The following REV3L variants were observed in gnomAD, a reference collection of about 807,000 sequenced individuals.
REV3L encodes DNA polymerase zeta catalytic subunit.
Under a neutral mutation model 299.4 loss-of-function variants are expected in REV3L, and 69 were observed. The ratio of observed to expected loss-of-function variants is 0.23; its 90% CI spans 0.19 to 0.28. The LOEUF (loss-of-function observed/expected upper bound fraction) is 0.28, where lower values mean the gene tolerates loss of function less well. Ranked by LOEUF, REV3L falls within the 10% of genes least tolerant of loss-of-function variation. The probability of loss-of-function intolerance (pLI) is 1.00; values close to 1 mark genes in which losing one functional copy is unlikely to be tolerated. For missense variants in REV3L, 3,128 were observed against 3,693.8 expected (o/e 0.85, Z 3.97); for synonymous variants, 1,238 against 1,271.4 (o/e 0.97, Z 0.56).
intron 17 of REV3L, among the ~76,000 whole-genome samples, chr6:111,358,357 CTG>C (rs1778308602): frequency 6.6e-6 from 1 of 151,732 alleles, no homozygotes; most frequent in South Asian, 2.1e-4. Context: ...AAGGTGGACT[CTG>C]TATTAGTAGT....
chr6:111,349,049 C>A, intron 20 of REV3L, 169 bp downstream of exon 20: 1 of 471,036 alleles, frequency 2.1e-6, no homozygotes, highest in Non-Finnish European at 3.7e-6. Context: ...AGTCTATTAC[C>A]TCTGTAGTTT....
At position 111,303,696 on chromosome 6, in the gene REV3L, TA is replaced by T. The variant is rs1562475942; in HGVS notation, c.9253-3541del. ...CTTTTTTTTTTTTTTTTTAACAGACTATGACTTTTTTTTTTTTTTTTTTTTT... is the reference window on the plus strand; with the variant it reads ...CTTTTTTTTTTTTTTTTTAACAGACTTGACTTTTTTTTTTTTTTTTTTTTT... On this transcript the variant is annotated intron_variant, in intron 31 of 31. Transcript: ENST00000368802. Among the ~76,000 whole-genome samples, 161 of 42,414 alleles carry T rather than the reference TA, an allele frequency of 3.8e-3. 38 individuals carry two copies. Among genetic ancestry groups the T allele is most frequent in the East Asian group, 7.8e-3 (8 of 1,028 alleles). 27.8% of individuals were successfully genotyped at this position (42,414 alleles called of 152,430 possible). A position where few individuals can be genotyped will look rare whatever the true frequency, so the allele number is the denominator to read the frequency against.
chr6:111,439,287 A>G (rs1041410385), intron 1 of REV3L, among the ~76,000 whole-genome samples: 1 of 152,224 alleles, frequency 6.6e-6, no homozygotes, highest in African/African-American at 2.4e-5. Context: ...AATAGCAGAG[A>G]CAACTCACAA....
intron 1 of REV3L, among the ~76,000 whole-genome samples, chr6:111,432,218 C>A (rs571298562): frequency 6.6e-6 from 1 of 152,284 alleles, no homozygotes; most frequent in African/African-American, 2.4e-5. Flanking sequence ...AACAGTAACA[C>A]TGAATGCAAA....
intron 1 of REV3L, among the ~76,000 whole-genome samples, chr6:111,429,132 T>C (rs1411223342): frequency 6.6e-6 from 1 of 152,244 alleles, no homozygotes; most frequent in Non-Finnish European, 1.5e-5. Context: ...TGAGCAATGC[T>C]ATCCTTCAAA....
intron 20 of REV3L, among the ~76,000 whole-genome samples, chr6:111,347,605 C>A (rs1167407859): frequency 6.6e-6 from 1 of 152,138 alleles, no homozygotes; most frequent in African/African-American, 2.4e-5. Context: ...AATTAGCTTT[C>A]TTTTAAATAT....
At chr6:111,344,411 T>A (rs1277093373) in intron 20 of REV3L, among the ~76,000 whole-genome samples, 1 of 152,230 alleles carries the variant, frequency 6.6e-6, no homozygotes, top group Non-Finnish European at 1.5e-5. Context: ...ACTTTTTGGT[T>A]CTTGATGACA....
Position 111,445,617 on chromosome 6 carries a change from A to C in REV3L, c.140-29145T>G, listed in dbSNP as rs181544481. 1.7e-3 allele frequency among the ~76,000 whole-genome samples: 262 copies of C among 152,346 alleles called. 1 individual carries two copies. The highest frequency in any genetic ancestry group is 6.8e-3 in the Middle Eastern group (2 of 294). On this transcript the variant is annotated intron_variant, in intron 1 of 31. Coordinates refer to ENST00000368802, the MANE Select transcript of REV3L (RefSeq NM_001372078.1). ...GTAATGTGGATTTCAAAATGAATTAAGTACAACCTCTACCTTTAAAGAGCT... is the reference window on the plus strand; with the variant it reads ...GTAATGTGGATTTCAAAATGAATTACGTACAACCTCTACCTTTAAAGAGCT...
At chr6:111,342,536 C>A (rs1228777797) in intron 21 of REV3L, among the ~76,000 whole-genome samples, 1 of 151,876 alleles carries the variant, frequency 6.6e-6, no homozygotes, top group Non-Finnish European at 1.5e-5. Flanking sequence ...GTTGTCGTGG[C>A]GGGCGCCTGT....
intron 21 of REV3L, among the ~76,000 whole-genome samples, chr6:111,342,098 G>C (rs1488880289): frequency 6.6e-6 from 1 of 152,192 alleles, no homozygotes; most frequent in African/African-American, 2.4e-5. Flanking sequence ...CATCAAGTTG[G>C]AGGAGCTTAG....
chr6:111,442,669 T>C (rs1788406615), intron 1 of REV3L, among the ~76,000 whole-genome samples: 1 of 150,820 alleles, frequency 6.6e-6, no homozygotes, highest in African/African-American at 2.4e-5. Flanking sequence ...TTTTTCCTGC[T>C]TATTCATTGC....
At chr6:111,300,246 C>CGTGG in intron 31 of REV3L, 90 bp from the exon 32 acceptor site, 2 of 1,026,770 alleles carry the variant, frequency 1.9e-6, no homozygotes, top group Admixed American at 2.9e-5. Context: ...ACTTTCTAGA[C>CGTGG]TACCACAGAT....
chr6:111,455,500 GTTTTA>G (rs1790063585), intron 1 of REV3L, among the ~76,000 whole-genome samples: 1 of 152,064 alleles, frequency 6.6e-6, no homozygotes, highest in Admixed American at 6.6e-5. Context: ...GTTGTCTAGA[GTTTTA>G]TTTTAGATTA....
chr6:111,300,549 T>TA (rs1260867080), intron 31 of REV3L, among the ~76,000 whole-genome samples: 2 of 152,232 alleles, frequency 1.3e-5, no homozygotes, highest in Non-Finnish European at 2.9e-5. Context: ...CTCTTTTTCG[T>TA]ATTCCAGAAG....
intron 1 of REV3L, among the ~76,000 whole-genome samples, chr6:111,448,128 G>A (rs1018510183): frequency 1.3e-5 from 2 of 152,126 alleles, no homozygotes; most frequent in African/African-American, 4.8e-5. Flanking sequence ...ATAAGGACTA[G>A]AGCTGAATGG....
chr6:111,412,263 A>G, intron 2 of REV3L: 1 of 985,266 alleles, frequency 1.0e-6, no homozygotes, highest in Non-Finnish European at 1.2e-6. Context: ...CAACATAATC[A>G]TGTTATGGCT....
chr6:111,390,772 C>G lies in REV3L; in HGVS notation c.663-592G>C, dbSNP rs529152094. Among the ~76,000 whole-genome samples the G allele has an allele frequency of 5.9e-5, 9 of 152,170 alleles. No individual in the cohort carries two copies. The South Asian group carries it at 1.9e-3, about 32-fold the overall frequency. On this transcript the variant is annotated intron_variant, in intron 5 of 31. Coordinates refer to ENST00000368802, the MANE Select transcript of REV3L (RefSeq NM_001372078.1). ...ATAGCTAGGAAAAGTAATGATATCA[C>G]CAGGTCATTAATTTTTATGAGAACT...
At chr6:111,381,480 T>C in intron 9 of REV3L, 36 bp from the exon 10 acceptor site, 1 of 1,568,770 alleles carries the variant, frequency 6.4e-7, no homozygotes, top group Middle Eastern at 2.0e-4. Context: ...ATTGAAGCAA[T>C]GGCCTAAATC....
At chr6:111,468,685 A>C (rs61301592) in intron 1 of REV3L, among the ~76,000 whole-genome samples, 5,452 of 152,308 alleles carry the variant, frequency 0.036, 325 homozygotes, top group African/African-American at 0.12. Context: ...AGATCAAAAC[A>C]ACCTCTGTAT....
Sources: gnomAD v4.1 joint callset for allele counts (sites outside exome capture counted in the v4.1 genomes callset) on GRCh38, gnomAD v4.1.1 for gene constraint, MANE v1.5 for transcripts, NCBI Gene and HGNC (gene_info 2026-07-23, HGNC 2026-07-21) for gene names.